The following OR9I1 variants were observed in gnomAD, a reference collection of about 807,000 sequenced individuals.
OR9I1 encodes olfactory receptor 9I1.
Under a neutral mutation model 11.2 loss-of-function variants are expected in OR9I1, and 7 were observed. That is an observed-to-expected ratio of 0.62 (90% CI 0.36 to 1.17). OR9I1 has a LOEUF of 1.17. OR9I1 is among the 50% of genes most tolerant of loss of function. The probability of loss-of-function intolerance (pLI) is 0.02; values close to 1 mark genes in which losing one functional copy is unlikely to be tolerated. For missense variants in OR9I1, 428 were observed against 377.2 expected (o/e 1.13, Z -1.12); for synonymous variants, 165 against 153.4 (o/e 1.08, Z -0.56).
At chr11:58,121,715 A>G (rs1854034413) in intron 2 of OR9I1, among the ~76,000 whole-genome samples, 1 of 152,224 alleles carries the variant, frequency 6.6e-6, no homozygotes, top group Non-Finnish European at 1.5e-5. Context: ...GATTGTTAAG[A>G]AACTCTTTTC....
rs1565080971 is a variant in OR9I1 at position 58,118,587 on chromosome 11, G to A, written c.858C>T (p.Asn286=). The change falls in exon 3 of 3, where the codon AAC becomes AAT. Residue 286 remains asparagine (N), a synonymous_variant. Coordinates refer to ENST00000641439, the MANE Select transcript of OR9I1 (RefSeq NM_001005211.2). The part of the protein sequence containing the change: ...VFYTVVIPML[N]PLIYSLRNKD... ...TGTTTCTTAAGCTGTAGATCAGAGG[G>A]TTCAGCATGGGGATGACCACTGTAT... The A allele has an allele frequency of 1.9e-6, 3 of 1,614,010 alleles. No homozygotes were observed. The highest frequency in any genetic ancestry group is 2.5e-6 in the Non-Finnish European group (3 of 1,179,942).
intron 2 of OR9I1, among the ~76,000 whole-genome samples, chr11:58,120,044 A>G (rs367864127): frequency 2.0e-5 from 3 of 152,200 alleles, no homozygotes; most frequent in East Asian, 3.8e-4. Context: ...CTATATAATT[A>G]TTCAATGGGC....
intron 2 of OR9I1, among the ~76,000 whole-genome samples, chr11:58,124,097 G>A (rs1854064249): frequency 6.6e-6 from 1 of 152,114 alleles, no homozygotes; most frequent in African/African-American, 2.4e-5. Context: ...TTCCCAGAGG[G>A]AAAAATTTTA....
At position 58,119,321 on chromosome 11, in the gene OR9I1, T is replaced by A; in HGVS notation, c.124A>T (p.Asn42Tyr). The change falls in exon 3 of 3, where the codon AAT becomes TAT. Residue 42 changes from asparagine to tyrosine, a missense_variant. Transcript: ENST00000641439. Reference sequence around the variant, plus strand: ...TGGATTAACATAATCATCCCCACATTCCCAAGAAGGGTGACTAGGTAGAAA... The same window carrying A: ...TGGATTAACATAATCATCCCCACATACCCAAGAAGGGTGACTAGGTAGAAA... ...LSFYLVTLLG[N>Y]VGMIMLIQVD... is the part of the protein sequence containing the mutation. 1 of 1,613,824 alleles carries A rather than the reference T, an allele frequency of 6.2e-7. No individual in the cohort carries two copies. The highest frequency in any genetic ancestry group is 8.5e-7 in the Non-Finnish European group (1 of 1,179,868).
At chr11:58,125,250 A>AC (rs1565083893) in intron 1 of OR9I1, 24 bp downstream of exon 1, 3 of 27,588 alleles carry the variant, frequency 1.1e-4, no homozygotes, top group Non-Finnish European at 1.4e-4. Flanking sequence ...CCCCCCCCCC[A>AC]AAAAAAAGCT....
In OR9I1 at chr11:58,118,042, A is replaced by T. The variant is rs2120124712; in HGVS notation, c.*458T>A. 6.5e-6 allele frequency: 1 copy of T among 153,614 alleles called. No individual in the cohort carries two copies. Among genetic ancestry groups the T allele is most frequent in the Non-Finnish European group, 1.4e-5 (1 of 69,110 alleles). 9.5% of individuals were successfully genotyped at this position (153,614 alleles called of 1,614,324 possible). ...ATACTCCCTGCTTAGTGAGGTGATC[A>T]GTCCTTCATATTAAAAGAAAAAAAG... is the stretch of plus-strand genomic sequence containing the variant. On this transcript the variant is annotated 3_prime_UTR_variant, in exon 3 of 3. Transcript: ENST00000641439.
At chr11:58,120,750 C>G (rs1398539691) in intron 2 of OR9I1, among the ~76,000 whole-genome samples, 2 of 148,304 alleles carry the variant, frequency 1.3e-5, no homozygotes, top group African/African-American at 5.0e-5. Context: ...CCCGCATGAA[C>G]TTTGTTAATA....
rs772041200 is a variant in OR9I1, at chr11:58,118,890, C to T, written c.555G>A (p.Leu185=). Residue 185 remains leucine, a synonymous_variant, in exon 3 of 3, where the codon CTG becomes CTA. Coordinates refer to ENST00000641439, the MANE Select transcript of OR9I1 (RefSeq NM_001005211.2). ...NFFFCDLPPL[L]KLACSDTANI... ...TTGCTGTGTCACTGCAGGCAAGCTT[C>T]AGCAGGGGTGGGAGGTCACAGAAGA... 2.0e-5 allele frequency: 32 copies of T among 1,614,032 alleles called. No homozygotes were observed. Among genetic ancestry groups the T allele is most frequent in the Non-Finnish European group, 2.5e-5 (30 of 1,179,984 alleles).
intron 2 of OR9I1, among the ~76,000 whole-genome samples, chr11:58,121,333 T>C (rs2120139389): frequency 6.6e-6 from 1 of 152,326 alleles, no homozygotes; most frequent in South Asian, 2.1e-4. Flanking sequence ...GGATACTCAT[T>C]AAAATGCCTA....
rs775633712 is a variant in OR9I1 at position 58,119,430 on chromosome 11, A to G, written c.15T>C (p.Asn5=). The G allele has an allele frequency of 3.1e-6, 5 of 1,606,510 alleles. No individual in the cohort carries two copies. The highest frequency in any genetic ancestry group is 4.3e-6 in the Non-Finnish European group (5 of 1,175,260). Reference sequence around the variant, plus strand: ...GAATGAATTCGGTTACTCTGGTGAGATTATTCTTGGCCATGGAGACAATGT... The same window carrying G: ...GAATGAATTCGGTTACTCTGGTGAGGTTATTCTTGGCCATGGAGACAATGT... MAKN[N]LTRVTEFILM... Residue 5 remains asparagine (N), a synonymous_variant, in exon 3 of 3, where the codon AAT becomes AAC. Coordinates refer to ENST00000641439, the MANE Select transcript of OR9I1 (RefSeq NM_001005211.2).
chr11:58,121,722 T>G (rs955865200), intron 2 of OR9I1, among the ~76,000 whole-genome samples: 3 of 152,232 alleles, frequency 2.0e-5, no homozygotes, highest in Admixed American at 2.0e-4. Flanking sequence ...AAGAAACTCT[T>G]TTCCTTGTAG....
intron 2 of OR9I1, among the ~76,000 whole-genome samples, chr11:58,122,450 T>TA (rs1278054307): frequency 6.6e-6 from 1 of 152,210 alleles, no homozygotes; most frequent in African/African-American, 2.4e-5. Context: ...CTTTCTATTC[T>TA]ATGAAATGGC....
At position 58,119,118 on chromosome 11, in the gene OR9I1, G is replaced by T; in HGVS notation, c.327C>A (p.Gly109=). ...TCACTGCCAGCAGAAAGCACTCTGT[G>T]CCTGCACAGATGGTGAATAAAAAGA... ...AQFFLFTICA[G]TECFLLAVMA... is the part of the protein sequence containing the mutation. The change falls in exon 3 of 3, where the codon GGC becomes GGA. Residue 109 remains glycine (G), a synonymous_variant. Coordinates refer to ENST00000641439, the MANE Select transcript of OR9I1 (RefSeq NM_001005211.2). 1 of 1,614,030 alleles carries T rather than the reference G, an allele frequency of 6.2e-7. No individual in the cohort carries two copies. The highest frequency in any genetic ancestry group is 1.3e-5 in the African/African-American group (1 of 75,060).
chr11:58,118,648 T>C lies in OR9I1; in HGVS notation c.797A>G (p.Lys266Arg). ...CACGACTTTGTCTTCCTCCAGAGATTTGCCTGAGCCACTTTGCAGATACAT... is the reference window on the plus strand; with the variant it reads ...CACGACTTTGTCTTCCTCCAGAGATCTGCCTGAGCCACTTTGCAGATACAT... ...IFMYLQSGSG[K>R]SLEEDKVVSV... Residue 266 changes from lysine (K) to arginine (R), a missense_variant, in exon 3 of 3, where the codon AAA becomes AGA. Coordinates refer to ENST00000641439, the MANE Select transcript of OR9I1 (RefSeq NM_001005211.2). The C allele has an allele frequency of 6.2e-7, 1 of 1,613,958 alleles. No homozygotes were observed. Among genetic ancestry groups the C allele is most frequent in the Non-Finnish European group, 8.5e-7 (1 of 1,179,970 alleles).
rs147179661 is a variant in OR9I1 at position 58,119,045 on chromosome 11, C to T, written c.400G>A (p.Val134Met). ...CAGCAGAGCCTGGGATTCATGGCCA[C>T]GGTATAGAGCAGTGGGTTGCGAATG... is the stretch of plus-strand genomic sequence containing the variant. The part of the protein sequence containing the change: ...AAIRNPLLYT[V>M]AMNPRLCWSL... Residue 134 changes from valine to methionine, a missense_variant, in exon 3 of 3, where the codon GTG (valine) becomes ATG (methionine). Coordinates refer to ENST00000641439, the MANE Select transcript of OR9I1 (RefSeq NM_001005211.2). 1.7e-3 allele frequency: 2,809 copies of T among 1,613,948 alleles called. 16 individuals carry two copies. Among genetic ancestry groups the T allele is most frequent in the South Asian group, 7.0e-3 (637 of 91,064 alleles).
rs1349140812 is a variant in OR9I1 at position 58,116,935 on chromosome 11, G to A, written c.*1565C>T. 2.6e-5 allele frequency: 4 copies of A among 152,126 alleles called. No homozygotes were observed. The highest frequency in any genetic ancestry group is 4.4e-5 in the Non-Finnish European group (3 of 68,018). The allele number at this position is 152,126 out of a possible 1,614,324, so 9.4% of individuals were successfully genotyped here. A position where few individuals can be genotyped will look rare whatever the true frequency, so the allele number is the denominator to read the frequency against. Reference sequence around the variant, plus strand: ...TCCTTTTATTATTCTTGACTATGTGGGATATAGATACATGCACTCCACCTT... The same window carrying A: ...TCCTTTTATTATTCTTGACTATGTGAGATATAGATACATGCACTCCACCTT... On this transcript the variant is annotated 3_prime_UTR_variant, in exon 3 of 3. Transcript: ENST00000641439.
chr11:58,118,395 G>A lies in OR9I1; in HGVS notation c.*105C>T, dbSNP rs920734450. 3 of 738,886 alleles carry A rather than the reference G, an allele frequency of 4.1e-6. No homozygotes were observed. The highest frequency in any genetic ancestry group is 2.4e-5 in the Admixed American group (1 of 41,132). 45.8% of individuals were successfully genotyped at this position (738,886 alleles called of 1,614,324 possible). A position where few individuals can be genotyped will look rare whatever the true frequency, so the allele number is the denominator to read the frequency against. On this transcript the variant is annotated 3_prime_UTR_variant, in exon 3 of 3. Coordinates refer to ENST00000641439, the MANE Select transcript of OR9I1 (RefSeq NM_001005211.2). ...GTGTGCCTGGTGGTACCTATCTTCT[G>A]TCTTCTCTGTTTGTGGGTATAGGTT...
At chr11:58,120,504 C>T (rs1854018550) in intron 2 of OR9I1, among the ~76,000 whole-genome samples, 1 of 151,462 alleles carries the variant, frequency 6.6e-6, no homozygotes, top group Non-Finnish European at 1.5e-5. Context: ...ATATTTGGTT[C>T]ATGAATGAGT....
At position 58,118,860 on chromosome 11, in the gene OR9I1, G is replaced by GA; in HGVS notation, c.584dup (p.Glu196ArgfsTer111). On this transcript the variant is annotated frameshift_variant, in exon 3 of 3. Coordinates refer to ENST00000641439, the MANE Select transcript of OR9I1 (RefSeq NM_001005211.2). LOFTEE classifies it high-confidence loss of function. ...TGCCAAAGAAGATGATGACAATCTC[G>GA]ATGTTTGCTGTGTCACTGCAGGCAA... 6.2e-7 allele frequency: 1 copy of GA among 1,614,038 alleles called. No individual in the cohort carries two copies. Among genetic ancestry groups the GA allele is most frequent in the Non-Finnish European group, 8.5e-7 (1 of 1,179,978 alleles).
Sources: gnomAD v4.1 joint callset for allele counts (sites outside exome capture counted in the v4.1 genomes callset) on GRCh38, gnomAD v4.1.1 for gene constraint, MANE v1.5 for transcripts, NCBI Gene and HGNC (gene_info 2026-07-23, HGNC 2026-07-21) for gene names.